SYNC: variants seen among roughly 807,000 people sequenced by gnomAD.
SYNC encodes the protein syncoilin.
SYNC carries 38 observed loss-of-function variants against 49.5 expected under a neutral mutation model. The ratio of observed to expected loss-of-function variants is 0.77; its 90% CI spans 0.59 to 1.01. The LOEUF (loss-of-function observed/expected upper bound fraction) is 1.01. Among genes scored for constraint, SYNC ranks in the 50% least tolerant of loss-of-function variants. SYNC has a pLI of 0.00. For synonymous variants in SYNC, 201 were observed against 230.8 expected (o/e 0.87, Z 1.17); for missense variants, 579 against 580.6 (o/e 1.00, Z 0.03).
At chr1:32,690,844 T>C (rs1029892382) in intron 2 of SYNC, among the ~76,000 whole-genome samples, 1 of 152,012 alleles carries the variant, frequency 6.6e-6, no homozygotes, top group African/African-American at 2.4e-5. Flanking sequence ...CCCAGCACTT[T>C]GGGAGGCCGA....
Position 32,695,741 on chromosome 1 carries a change from CTG to C in SYNC, c.355_356del (p.Gln119ValfsTer20). ...VEETTEPDRIQFVEGPVEPGK... is the reference protein window; with the variant it reads ...VEETTEPDRIXFVEGPVEPGK... ...CTGGCTCCACGGGCCCCTCCACAAA[CTG>C]TATCCGATCTGGCTCCGTGGTTTCC... On this transcript the variant is annotated frameshift_variant, in exon 2 of 5. Transcript: ENST00000409190. LOFTEE classifies it high-confidence loss of function. 1 of 1,551,610 alleles carries C rather than the reference CTG, an allele frequency of 6.4e-7. No individual in the cohort carries two copies. The highest frequency in any genetic ancestry group is 8.7e-7 in the Non-Finnish European group (1 of 1,147,002).
rs543160863 is a variant in SYNC at position 32,684,061 on chromosome 1, G to A, written c.1387C>T (p.Gln463Ter). 1 of 1,614,226 alleles carries A rather than the reference G, an allele frequency of 6.2e-7. No homozygotes were observed. The highest frequency in any genetic ancestry group is 1.3e-5 in the African/African-American group (1 of 75,058). Reference protein sequence around the residue: ...KAMLLPKSLEQADAPTSQAGG... With the variant: ...KAMLLPKSLE Reference sequence around the variant, plus strand: ...GCCTGAGAAGTGGGAGCATCAGCCTGTTCCAGGCTCTTGGGTAGTAGCATA... The same window carrying A: ...GCCTGAGAAGTGGGAGCATCAGCCTATTCCAGGCTCTTGGGTAGTAGCATA... Residue 463 changes from glutamine (Q) to a stop codon, truncating the protein, a stop_gained, in exon 4 of 5, where the codon CAG becomes TAG. Transcript: ENST00000409190. LOFTEE classifies it high-confidence loss of function.
At chr1:32,684,604 T>G in intron 2 of SYNC, 1 of 568,536 alleles carries the variant, frequency 1.8e-6, no homozygotes, top group Non-Finnish European at 3.0e-6. Context: ...ATCTTGTCTG[T>G]TAACCACAGC....
Position 32,702,732 on chromosome 1 carries a change from C to A in SYNC, c.-72G>T. 1 of 1,078,304 alleles carries A rather than the reference C, an allele frequency of 9.3e-7. No individual in the cohort carries two copies. The highest frequency in any genetic ancestry group is 1.1e-6 in the Non-Finnish European group (1 of 887,842). 66.8% of individuals were successfully genotyped at this position (1,078,304 alleles called of 1,614,324 possible). ...CGCGGGCCCCTCGCTCCGGCGCCCG[C>A]GCCCGCCGCACTGCCAGCTGCAACC... On this transcript the variant is annotated 5_prime_UTR_variant, in exon 1 of 5. Transcript: ENST00000409190. This position sits in a 1 kb window ranked among gnomAD's most constrained non-coding sequence, Gnocchi z 6.2.
chr1:32,700,185 G>A (rs915444041), intron 1 of SYNC, among the ~76,000 whole-genome samples: 3 of 152,098 alleles, frequency 2.0e-5, no homozygotes, highest in African/African-American at 7.2e-5. Context: ...CCTAACTAGA[G>A]AACCCTGTAC....
rs1649326888 is a variant in SYNC at position 32,680,066 on chromosome 1, G to GTA, written c.*1782_*1783dup. The GTA allele has an allele frequency of 9.3e-7, 1 of 1,073,944 alleles. No individual in the cohort carries two copies. Among genetic ancestry groups the GTA allele is most frequent in the Non-Finnish European group, 1.1e-6 (1 of 888,586 alleles). The allele number at this position is 1,073,944 out of a possible 1,614,324, so 66.5% of individuals were successfully genotyped here. ...TGAGTAAGGAATAGAGCCAAATGAG[G>GTA]TAGGTGTCTGAGCCATGAAGTATAA... On this transcript the variant is annotated 3_prime_UTR_variant, in exon 5 of 5. Transcript: ENST00000409190.
intron 2 of SYNC, among the ~76,000 whole-genome samples, chr1:32,689,121 G>A (rs995466002): frequency 1.6e-4 from 24 of 146,556 alleles, no homozygotes; most frequent in Admixed American, 2.7e-4. Context: ...GTATTTTTTA[G>A]TAGAGATGAG....
At chr1:32,690,660 A>AG (rs1404046815) in intron 2 of SYNC, among the ~76,000 whole-genome samples, 2 of 150,716 alleles carry the variant, frequency 1.3e-5, no homozygotes, top group Non-Finnish European at 3.0e-5. Flanking sequence ...AAAAAAAAAA[A>AG]AAAAGTAGAG....
intron 1 of SYNC, among the ~76,000 whole-genome samples, chr1:32,700,471 G>A (rs1053341862): frequency 6.6e-6 from 1 of 152,158 alleles, no homozygotes; most frequent in African/African-American, 2.4e-5. Context: ...CGAGGCGGGT[G>A]GATCACCTGA....
intron 2 of SYNC, chr1:32,685,893 A>C (rs940902128): frequency 1.3e-5 from 2 of 152,212 alleles, no homozygotes; most frequent in African/African-American, 4.8e-5. Context: ...TTTACAATCA[A>C]CTCAAAATCC....
intron 2 of SYNC, among the ~76,000 whole-genome samples, chr1:32,690,514 G>A (rs1447125479): frequency 1.3e-5 from 2 of 151,514 alleles, no homozygotes; most frequent in South Asian, 2.1e-4. Context: ...GCCTGGTGGC[G>A]GGCACCTGTA....
In SYNC at chr1:32,680,137, A is replaced by T. The variant is rs892703560; in HGVS notation, c.*1713T>A. ...TATTCAGGAAATAGGGGGAGATTCA[A>T]GTCATATAGATTCCTACTCGAAAAT... On this transcript the variant is annotated 3_prime_UTR_variant, in exon 5 of 5. Transcript: ENST00000409190. The T allele has an allele frequency of 4.6e-6, 5 of 1,076,520 alleles. No homozygotes were observed. In the African/African-American group the frequency reaches 8.5e-5, roughly 18 times the overall value. The allele number at this position is 1,076,520 out of a possible 1,614,324, so 66.7% of individuals were successfully genotyped here. A position where few individuals can be genotyped will look rare whatever the true frequency, so the allele number is the denominator to read the frequency against.
chr1:32,701,953 G>A (rs1159642646), intron 1 of SYNC, among the ~76,000 whole-genome samples: 1 of 152,174 alleles, frequency 6.6e-6, no homozygotes, highest in Non-Finnish European at 1.5e-5. Context: ...GACAGTGAAG[G>A]GGTGTCGGGA....
intron 2 of SYNC, among the ~76,000 whole-genome samples, chr1:32,688,211 ACATCCTCGCTC>A (rs1649985186): frequency 6.6e-6 from 1 of 152,240 alleles, no homozygotes; most frequent in Non-Finnish European, 1.5e-5. Context: ...TTCAGGAGTT[ACATCCTCGCTC>A]CATCACTCTC....
chr1:32,690,938 G>A (rs1316403866), intron 2 of SYNC, among the ~76,000 whole-genome samples: 1 of 152,024 alleles, frequency 6.6e-6, no homozygotes, highest in Non-Finnish European at 1.5e-5. Context: ...CAAACAATTG[G>A]CCGGGCTCAG....
Position 32,681,075 on chromosome 1 carries a change from C to G in SYNC, c.*775G>C, listed in dbSNP as rs1251858449. On this transcript the variant is annotated 3_prime_UTR_variant, in exon 5 of 5. Transcript: ENST00000409190. ...GTTAGAAATAATAGGCTTTGAAGGC[C>G]TCTATCACCAGATGCAATAACCAGA... is the stretch of plus-strand genomic sequence containing the variant. The G allele has an allele frequency of 6.5e-6, 1 of 152,808 alleles. No homozygotes were observed. The highest frequency in any genetic ancestry group is 2.1e-4 in the South Asian group (1 of 4,840). 9.5% of individuals were successfully genotyped at this position (152,808 alleles called of 1,614,324 possible).
chr1:32,688,582 G>C (rs1320998751), intron 2 of SYNC, among the ~76,000 whole-genome samples: 4 of 152,124 alleles, frequency 2.6e-5, no homozygotes, highest in Admixed American at 2.6e-4. Flanking sequence ...CATTCATTTT[G>C]TCTGTTATGC....
Position 32,695,174 on chromosome 1 carries a change from G to A in SYNC, c.924C>T (p.Ala308=). ...AGTGCCCATCCCTCTGGCTTGGAGG[G>A]GCTTCTAGTTGTTGCCGCAGCTGCT... is the stretch of plus-strand genomic sequence containing the variant. ...QKEQLRQQLE[A]PPSQRDGHFL... is the part of the protein sequence containing the mutation. Residue 308 remains alanine (A), a synonymous_variant, in exon 2 of 5, where the codon GCC becomes GCT. Coordinates refer to ENST00000409190, the MANE Select transcript of SYNC (RefSeq NM_030786.3). 1 of 1,579,780 alleles carries A rather than the reference G, an allele frequency of 6.3e-7. No individual in the cohort carries two copies. The highest frequency in any genetic ancestry group is 1.1e-5 in the South Asian group (1 of 87,894).
intron 2 of SYNC, among the ~76,000 whole-genome samples, chr1:32,689,045 TCTC>T (rs1344469812): frequency 2.6e-4 from 39 of 150,288 alleles, no homozygotes; most frequent in African/African-American, 9.3e-4. Flanking sequence ...TTCAAGCAAT[TCTC>T]CTGCCTCATC....
Sources: allele counts gnomAD v4.1 joint callset (sites outside exome capture counted in the v4.1 genomes callset), GRCh38; gene constraint gnomAD v4.1.1; non-coding constraint Gnocchi (gnomAD v3.1); transcripts MANE v1.5; gene names NCBI Gene and HGNC (gene_info 2026-07-23, HGNC 2026-07-21).